ACBD6: variants seen among roughly 807,000 people sequenced by gnomAD.
The protein encoded by ACBD6 is acyl-CoA binding domain containing 6.
ACBD6 carries 28 observed loss-of-function variants against 37.2 expected under a neutral mutation model. The ratio of observed to expected loss-of-function variants is 0.75; its 90% CI spans 0.56 to 1.03. The LOEUF is 1.03. ACBD6 is among the 50% of genes least tolerant of loss of function. ACBD6 has a pLI of 0.00. For synonymous variants in ACBD6, 113 were observed against 126.8 expected, an observed-to-expected ratio of 0.89 and a Z score of 0.73; for missense variants, 340 against 337.4, an observed-to-expected ratio of 1.01 and a Z score of -0.06.
At chr1:180,402,402 G>A (rs1023577619) in intron 5 of ACBD6, among the ~76,000 whole-genome samples, 4 of 152,188 alleles carry the variant, frequency 2.6e-5, no homozygotes, top group African/African-American at 9.7e-5. Context: ...ACCAGTATGT[G>A]TGATACACAC....
chr1:180,352,139 G>T (rs187735624), intron 6 of ACBD6, among the ~76,000 whole-genome samples: 1 of 152,280 alleles, frequency 6.6e-6, no homozygotes, highest in Admixed American at 6.5e-5. Context: ...AGGAGGCGGG[G>T]TGGGGATAAC....
At chr1:180,395,666 G>A (rs1654235433) in intron 6 of ACBD6, among the ~76,000 whole-genome samples, 1 of 152,162 alleles carries the variant, frequency 6.6e-6, no homozygotes, top group Non-Finnish European at 1.5e-5. Flanking sequence ...TGTGGACAAG[G>A]ATGCGGAGAA....
At chr1:180,399,597 A>G (rs1044657552) in intron 5 of ACBD6, among the ~76,000 whole-genome samples, 1 of 152,190 alleles carries the variant, frequency 6.6e-6, no homozygotes, top group Non-Finnish European at 1.5e-5. Flanking sequence ...AGACAATTCT[A>G]AAAGTCCAGG....
chr1:180,274,651 C>T (rs544419836), exon 10 of ACBD6: 2 of 1,464,022 alleles, frequency 1.4e-6, no homozygotes, highest in South Asian at 1.4e-5. Context: ...AGAGACTTGC[C>T]TTTTAAGGAT....
chr1:180,430,171 A>T lies in ACBD6; in HGVS notation c.467+9T>A. On this transcript the variant is annotated intron_variant, in intron 4 of 7. Coordinates refer to ENST00000367595, the MANE Select transcript of ACBD6 (RefSeq NM_032360.4). ...TATTTCTATTATCAAAGATCAGAAG[A>T]GAAATTACCTGATGGTTTCTTCATG... The T allele has an allele frequency of 6.2e-7, 1 of 1,609,354 alleles. No homozygotes were observed. Among genetic ancestry groups the T allele is most frequent in the Non-Finnish European group, 8.5e-7 (1 of 1,176,234 alleles).
Position 180,439,134 on chromosome 1 carries a change from A to C in ACBD6, c.385-8872T>G, listed in dbSNP as rs766636610. Among the ~76,000 whole-genome samples, 8 of 152,320 alleles carry C rather than the reference A, an allele frequency of 5.3e-5. No individual in the cohort carries two copies. The South Asian group carries it at 1.2e-3, about 24-fold the overall frequency. The stretch of plus-strand genomic sequence containing the variant: ...CTTTTTAAAAATTTTAAATTATTGT[A>C]AACATAAAATTTACCATTTTAACCA... On this transcript the variant is annotated intron_variant, in intron 3 of 7. Coordinates refer to ENST00000367595, the MANE Select transcript of ACBD6 (RefSeq NM_032360.4).
At chr1:180,413,083 T>A (rs1045316609) in intron 5 of ACBD6, among the ~76,000 whole-genome samples, 1 of 152,164 alleles carries the variant, frequency 6.6e-6, no homozygotes, top group Non-Finnish European at 1.5e-5. Context: ...ACCTGTAGAT[T>A]TCACTTATTA....
At chr1:180,308,801 T>C (rs1292786331) in intron 7 of ACBD6, among the ~76,000 whole-genome samples, 1 of 152,202 alleles carries the variant, frequency 6.6e-6, no homozygotes, top group Non-Finnish European at 1.5e-5. Context: ...TTTACCGCTA[T>C]AGATACTGGG....
chr1:180,329,821 C>T (rs1326388337), intron 6 of ACBD6, among the ~76,000 whole-genome samples: 2 of 152,110 alleles, frequency 1.3e-5, no homozygotes, highest in East Asian at 3.8e-4. Flanking sequence ...ATCAGTGTCA[C>T]CACAAATGGG....
intron 6 of ACBD6, among the ~76,000 whole-genome samples, chr1:180,370,642 A>G (rs762285751): frequency 6.6e-6 from 1 of 152,188 alleles, no homozygotes; most frequent in Non-Finnish European, 1.5e-5. Flanking sequence ...CACATATATC[A>G]TTCTCCAACA....
intron 6 of ACBD6, among the ~76,000 whole-genome samples, chr1:180,373,260 T>C (rs2101917652): frequency 6.6e-6 from 1 of 152,340 alleles, no homozygotes; most frequent in African/African-American, 2.4e-5. Flanking sequence ...ATTTCAGCTT[T>C]CCAAACATGT....
Position 180,304,882 on chromosome 1 carries a change from A to C in ACBD6, c.694+9810T>G, listed in dbSNP as rs937649180. On this transcript the variant is annotated intron_variant, in intron 7 of 7. Transcript: ENST00000367595. Reference sequence around the variant, plus strand: ...ACAAGGCTACAGTAACCAAAACAGCATGGTACTGGTACCAAAACAGAGATA... The same window carrying C: ...ACAAGGCTACAGTAACCAAAACAGCCTGGTACTGGTACCAAAACAGAGATA... Among the ~76,000 whole-genome samples the C allele has an allele frequency of 1.4e-4, 21 of 152,112 alleles. 1 individual carries two copies. The highest frequency in any genetic ancestry group is 9.2e-4 in the Admixed American group (14 of 15,260).
chr1:180,478,928 G>A (rs929786090), intron 3 of ACBD6, among the ~76,000 whole-genome samples: 7 of 152,130 alleles, frequency 4.6e-5, no homozygotes, highest in Non-Finnish European at 1.0e-4. Flanking sequence ...AGGTGTTCAA[G>A]ACCAGCCCAG....
chr1:180,422,119 A>C (rs1313356757), intron 4 of ACBD6, among the ~76,000 whole-genome samples: 1 of 152,148 alleles, frequency 6.6e-6, no homozygotes, highest in African/African-American at 2.4e-5. Context: ...AACTTACAAT[A>C]TGAGATTAAA....
chr1:180,440,730 G>A (rs1474317614), intron 3 of ACBD6, among the ~76,000 whole-genome samples: 1 of 150,664 alleles, frequency 6.6e-6, no homozygotes. Flanking sequence ...CCAAAACCTT[G>A]GCAACACCAA....
At chr1:180,332,003 C>T (rs560558150) in intron 6 of ACBD6, among the ~76,000 whole-genome samples, 3 of 151,988 alleles carry the variant, frequency 2.0e-5, no homozygotes, top group African/African-American at 7.3e-5. Flanking sequence ...ATTGTGTCTC[C>T]CAAAAATATG....
intron 6 of ACBD6, among the ~76,000 whole-genome samples, chr1:180,345,158 G>T (rs908641562): frequency 2.0e-5 from 3 of 152,166 alleles, no homozygotes; most frequent in African/African-American, 4.8e-5. Flanking sequence ...TCTTTGAAGG[G>T]TGTCTTGCTT....
At chr1:180,360,866 T>C (rs1448512793) in intron 6 of ACBD6, among the ~76,000 whole-genome samples, 1 of 152,176 alleles carries the variant, frequency 6.6e-6, no homozygotes, top group African/African-American at 2.4e-5. Flanking sequence ...CTGACATTTA[T>C]TGGAGCTTCA....
At chr1:180,293,882 A>G (rs1040643671) in intron 7 of ACBD6, among the ~76,000 whole-genome samples, 11 of 151,616 alleles carry the variant, frequency 7.3e-5, no homozygotes, top group African/African-American at 2.7e-4. Flanking sequence ...GCTGGGACTA[A>G]AGGCATGCAC....
Sources: allele counts gnomAD v4.1 joint callset (sites outside exome capture counted in the v4.1 genomes callset), GRCh38; gene constraint gnomAD v4.1.1; transcripts MANE v1.5; gene names NCBI Gene and HGNC (gene_info 2026-07-23, HGNC 2026-07-21).